The following RBM10 variants were observed in gnomAD, a reference collection of about 807,000 sequenced individuals.
RBM10 encodes the protein RNA binding motif protein 10, also known as RNA-binding protein 10.
RBM10 carries 1 observed loss-of-function variant against 84.9 expected under a neutral mutation model. The observed-to-expected ratio is 0.01, with a 90% CI of 0.00 to 0.06. RBM10 has a LOEUF of 0.06. RBM10 is among the 10% of genes least tolerant of loss of function. RBM10 has a pLI of 1.00. For missense variants in RBM10, 438 were observed against 839.0 expected (o/e 0.52, Z 5.90); for synonymous variants, 326 against 344.5 (o/e 0.95, Z 0.60).
intron 5 of RBM10, 82 bp downstream of exon 5, chrX:47,173,279 C>A: frequency 5.1e-6 from 6 of 1,176,952 alleles, no homozygotes; most frequent in Non-Finnish European, 6.8e-6. Flanking sequence ...CCTTCTCCCC[C>A]ACTCCCTCCA....
At chrX:47,156,098 C>G (rs782092609) in intron 2 of RBM10, among the ~76,000 whole-genome samples, 3 of 110,420 alleles carry the variant, frequency 2.7e-5, no homozygotes, top group African/African-American at 9.9e-5. Flanking sequence ...TGTGAGCCAC[C>G]GTGCCCAGCC....
chrX:47,182,012 G>A lies in RBM10; in HGVS notation c.1755G>A (p.Gln585=), dbSNP rs2147195779. The change falls in exon 16 of 24, where the codon CAG becomes CAA. Residue 585 remains glutamine, a synonymous_variant. Transcript: ENST00000377604. ...DETSGYYYDP[Q]TGLYYDPNSQ... is the part of the protein sequence containing the mutation. ...CCTCCGGCTACTACTATGACCCCCA[G>A]ACCGGCCTCTACTATGACCCCAACT... The A allele has an allele frequency of 8.3e-7, 1 of 1,211,434 alleles. No homozygotes were observed. Among genetic ancestry groups the A allele is most frequent in the Admixed American group, 2.2e-5 (1 of 45,994 alleles).
At position 47,185,521 on chromosome X, in the gene RBM10, GGGA is replaced by G. The variant is rs1569199883; in HGVS notation, c.2251_2253del (p.Glu751del). 2.5e-6 allele frequency: 3 copies of G among 1,181,400 alleles called. No individual in the cohort carries two copies. Among genetic ancestry groups the G allele is most frequent in the Non-Finnish European group, 2.3e-6 (2 of 880,086 alleles). The stretch of plus-strand genomic sequence containing the variant: ...GAGCAGGAGCGTGGGGGCCCTGAGC[GGGA>G]GGAGAAGCTCACCGACTGGCAGAAG... On this transcript the variant is annotated inframe_deletion, in exon 20 of 24. Coordinates refer to ENST00000377604, the MANE Select transcript of RBM10 (RefSeq NM_005676.5).
In RBM10 at chrX:47,185,327, C is replaced by T. The variant is rs1759474436; in HGVS notation, c.2126C>T (p.Thr709Ile). 8 of 1,210,010 alleles carry T rather than the reference C, an allele frequency of 6.6e-6. No individual in the cohort carries two copies. Among genetic ancestry groups the T allele is most frequent in the Non-Finnish European group, 8.9e-6 (8 of 894,513 alleles). The change falls in exon 19 of 24, where the codon ACC becomes ATC. Residue 709 changes from threonine to isoleucine, a missense_variant. Transcript: ENST00000377604. ...KKGALAERQH[T>I]SMDLPKLASD... ...GGAGCACTAGCCGAGAGACAGCACA[C>T]CAGCATGGATCTCCCGAAATTGGCC...
intron 17 of RBM10, among the ~76,000 whole-genome samples, chrX:47,183,962 G>C (rs964901934): frequency 1.3e-4 from 15 of 111,350 alleles, no homozygotes; most frequent in African/African-American, 4.3e-4. Context: ...GCCTCCCAAA[G>C]TGCTGGGATT....
intron 2 of RBM10, among the ~76,000 whole-genome samples, chrX:47,152,774 G>GAC (rs370048928): frequency 0.063 from 5,026 of 80,242 alleles, 171 homozygotes; most frequent in South Asian, 0.15. Context: ...TCTTTACATA[G>GAC]ACACACACAC....
chrX:47,170,923 C>A, intron 3 of RBM10, 105 bp from the exon 4 acceptor site: 2 of 842,042 alleles, frequency 2.4e-6, no homozygotes, highest in Non-Finnish European at 3.5e-6. Flanking sequence ...GCCCGCACAT[C>A]CCTGGCTTTC....
chrX:47,181,404 G>A lies in RBM10; in HGVS notation c.1435+3G>A, dbSNP rs782221533. On this transcript the variant is annotated splice_donor_region_variant and intron_variant, in intron 13 of 23. Transcript: ENST00000377604. ...CAAAGGGGATCCCACTGGAGCAGGT[G>A]AGCCCCAGCATCTCTCTCTGCAGCT... 3 of 1,206,464 alleles carry A rather than the reference G, an allele frequency of 2.5e-6. No individual in the cohort carries two copies. The highest frequency in any genetic ancestry group is 3.4e-6 in the Non-Finnish European group (3 of 892,950).
intron 2 of RBM10, among the ~76,000 whole-genome samples, chrX:47,160,365 T>A (rs1369470129): frequency 9.0e-6 from 1 of 111,463 alleles, no homozygotes; most frequent in African/African-American, 3.3e-5. Flanking sequence ...CTGACAAAGG[T>A]CTAATATCCA....
At chrX:47,174,927 C>A in intron 5 of RBM10, 92 bp from the exon 6 acceptor site, 1 of 667,600 alleles carries the variant, frequency 1.5e-6, no homozygotes, top group Non-Finnish European at 2.5e-6. Flanking sequence ...CTCTGCCCCC[C>A]GTCCTCTCCC....
chrX:47,171,076 C>T lies in RBM10; in HGVS notation c.250C>T (p.Arg84Trp), dbSNP rs782595848. Residue 84 changes from arginine (R) to tryptophan (W), a missense_variant, in exon 4 of 24, where the codon CGG (arginine) becomes TGG (tryptophan). Coordinates refer to ENST00000377604, the MANE Select transcript of RBM10 (RefSeq NM_005676.5). Reference sequence around the variant, plus strand: ...CTCCGAGACTCAGCGTAGGCGGCGGCGGCGGCACAGGCACAGCCCCACCGG... The same window carrying T: ...CTCCGAGACTCAGCGTAGGCGGCGGTGGCGGCACAGGCACAGCCCCACCGG... ...PGSETQRRRR[R>W]RHRHSPTGPP... The T allele has an allele frequency of 5.0e-6, 6 of 1,208,833 alleles. No homozygotes were observed. The highest frequency in any genetic ancestry group is 1.8e-5 in the African/African-American group (1 of 57,088).
chrX:47,183,507 A>G (rs56965072), intron 17 of RBM10, among the ~76,000 whole-genome samples: 8,837 of 108,349 alleles, frequency 0.082, 945 homozygotes, highest in African/African-American at 0.28. Context: ...GGCAACAAGA[A>G]CGAGACTCCT....
chrX:47,162,677 C>G lies in RBM10; in HGVS notation c.18-6638C>G, dbSNP rs7881540. ...GATCGTGAAGTCAGGAGATCGAGACCAGCCTGGCCAACATGATGAAACCCC... is the reference window on the plus strand; with the variant it reads ...GATCGTGAAGTCAGGAGATCGAGACGAGCCTGGCCAACATGATGAAACCCC... On this transcript the variant is annotated intron_variant, in intron 2 of 23. Coordinates refer to ENST00000377604, the MANE Select transcript of RBM10 (RefSeq NM_005676.5). 8.3e-3 allele frequency among the ~76,000 whole-genome samples: 906 copies of G among 109,555 alleles called. 9 individuals are homozygous for G. Among genetic ancestry groups the G allele is most frequent in the African/African-American group, 0.029 (867 of 30,073 alleles).
At chrX:47,149,188 G>C (rs781807459) in intron 2 of RBM10, among the ~76,000 whole-genome samples, 1 of 110,501 alleles carries the variant, frequency 9.0e-6, no homozygotes, top group African/African-American at 3.3e-5. Context: ...GGTTTTTTTT[G>C]TTTTTTGTTT....
chrX:47,151,961 C>T (rs1394546660), intron 2 of RBM10, among the ~76,000 whole-genome samples: 3 of 111,954 alleles, frequency 2.7e-5, no homozygotes. Flanking sequence ...TGGTGGATCA[C>T]AGCACCTTGG....
At chrX:47,171,515 G>A (rs781962105) in intron 4 of RBM10, among the ~76,000 whole-genome samples, 3 of 112,666 alleles carry the variant, frequency 2.7e-5, no homozygotes, top group African/African-American at 6.4e-5. Flanking sequence ...GGGTATGGGC[G>A]GGAGAAGAGC....
At chrX:47,184,949 G>A in intron 17 of RBM10, 106 bp from the exon 18 acceptor site, 2 of 971,975 alleles carry the variant, frequency 2.1e-6, no homozygotes, top group East Asian at 6.7e-5. Flanking sequence ...ACTAGGGATA[G>A]TGGCTGGCCC....
At chrX:47,146,857 T>C (rs1056923683) in intron 1 of RBM10, among the ~76,000 whole-genome samples, 13 of 111,192 alleles carry the variant, frequency 1.2e-4, no homozygotes, top group African/African-American at 4.3e-4. Flanking sequence ...TCATGGTCTT[T>C]TGCTGCCTTA....
chrX:47,148,248 A>C (rs1556762649), intron 2 of RBM10, among the ~76,000 whole-genome samples: 1 of 112,512 alleles, frequency 8.9e-6, no homozygotes, highest in East Asian at 2.8e-4. Context: ...AGTGAGCCCA[A>C]ATTTGAGATA....
Sources: gnomAD v4.1 joint callset for allele counts (sites outside exome capture counted in the v4.1 genomes callset) on GRCh38, gnomAD v4.1.1 for gene constraint, MANE v1.5 for transcripts, NCBI Gene and HGNC (gene_info 2026-07-23, HGNC 2026-07-21) for gene names.